The following TMEM178A variants were observed in gnomAD, a reference collection of about 807,000 sequenced individuals.
TMEM178A encodes the protein transmembrane protein 178A, also known as transmembrane protein 178.
Under a neutral mutation model 29.1 loss-of-function variants are expected in TMEM178A, and 12 were observed. That is an observed-to-expected ratio of 0.41 (90% CI 0.26 to 0.67). The LOEUF (loss-of-function observed/expected upper bound fraction) is 0.67, where lower values mean the gene tolerates loss of function less well. Among genes scored for constraint, TMEM178A ranks in the 30% least tolerant of loss-of-function variants. The pLI, the probability that TMEM178A is intolerant of heterozygous loss-of-function variation, is 0.29. For synonymous variants in TMEM178A, 210 were observed against 187.2 expected (o/e 1.12, Z -0.99); for missense variants, 366 against 419.1 (o/e 0.87, Z 1.11).
chr2:39,666,132 CG>C lies in TMEM178A; in HGVS notation c.160del (p.Asp54ThrfsTer6). ...CGCAGCCGCGCGGGCGCCGACCCCC[CG>C]GACCAGAAGAACCGCCTGATGCCGC... is the stretch of plus-strand genomic sequence containing the variant. Reference protein sequence around the residue: ...CERSRAGADPPDQKNRLMPLS... With the variant: ...CERSRAGADPXDQKNRLMPLS... On this transcript the variant is annotated frameshift_variant, in exon 1 of 4. Coordinates refer to ENST00000281961, the MANE Select transcript of TMEM178A (RefSeq NM_152390.3). LOFTEE classifies it high-confidence loss of function. 6.5e-7 allele frequency: 1 copy of C among 1,541,750 alleles called. No homozygotes were observed. Among genetic ancestry groups the C allele is most frequent in the Non-Finnish European group, 8.7e-7 (1 of 1,150,286 alleles).
the TMEM178A span, among the ~76,000 whole-genome samples, chr2:39,732,985 G>A: frequency 6.9e-3 from 1,050 of 152,300 alleles, 9 homozygotes; most frequent in African/African-American, 0.024. Flanking sequence ...TCGGTAAGAA[G>A]GGGAACCTAA....
intron 1 of TMEM178A, among the ~76,000 whole-genome samples, chr2:39,700,191 T>A (rs1462631439): frequency 6.6e-6 from 1 of 152,158 alleles, no homozygotes; most frequent in Non-Finnish European, 1.5e-5. Context: ...AGTCTTCTGT[T>A]TTTTGTTGAT....
chr2:39,713,978 T>C (rs552590702), intron 3 of TMEM178A, among the ~76,000 whole-genome samples: 2 of 152,352 alleles, frequency 1.3e-5, no homozygotes, highest in African/African-American at 4.8e-5. Context: ...ACAATGCTTC[T>C]CTCCTCTTAG....
chr2:39,677,540 A>G (rs533070976), intron 1 of TMEM178A, among the ~76,000 whole-genome samples: 1 of 152,268 alleles, frequency 6.6e-6, no homozygotes, highest in South Asian at 2.1e-4. Flanking sequence ...TCATGTCTGT[A>G]TTGGGCTTTC....
At chr2:39,707,450 GT>G (rs996017545) in intron 3 of TMEM178A, among the ~76,000 whole-genome samples, 14 of 152,064 alleles carry the variant, frequency 9.2e-5, no homozygotes, top group Middle Eastern at 3.4e-3. Flanking sequence ...AGCCCAGTCT[GT>G]TTTTTTGCTG....
chr2:39,723,013 A>T, the TMEM178A span, among the ~76,000 whole-genome samples: 5 of 152,212 alleles, frequency 3.3e-5, no homozygotes, highest in African/African-American at 1.2e-4. Flanking sequence ...GCAAGGGTGC[A>T]CGGAGGCTCC....
intron 3 of TMEM178A, among the ~76,000 whole-genome samples, chr2:39,710,428 G>A (rs1443805285): frequency 6.6e-6 from 1 of 152,120 alleles, no homozygotes; most frequent in Non-Finnish European, 1.5e-5. Flanking sequence ...ATCTTGCCAT[G>A]TATTTGCTTC....
chr2:39,671,362 A>G (rs1670401255), intron 1 of TMEM178A, among the ~76,000 whole-genome samples: 1 of 152,236 alleles, frequency 6.6e-6, no homozygotes, highest in Admixed American at 6.5e-5. Flanking sequence ...AGACCAAAGT[A>G]TAATTTGTGT....
At chr2:39,682,190 A>G (rs568080064) in intron 1 of TMEM178A, among the ~76,000 whole-genome samples, 2 of 152,308 alleles carry the variant, frequency 1.3e-5, no homozygotes, top group South Asian at 4.1e-4. Flanking sequence ...GTATTTATCA[A>G]ACTGGATGAA....
chr2:39,729,236 A>T, the TMEM178A span, among the ~76,000 whole-genome samples: 1 of 152,190 alleles, frequency 6.6e-6, no homozygotes, highest in Non-Finnish European at 1.5e-5. Context: ...AGCTTGCACC[A>T]TGGATATTGA....
At chr2:39,712,085 T>C (rs890103318) in intron 3 of TMEM178A, among the ~76,000 whole-genome samples, 2 of 73,118 alleles carry the variant, frequency 2.7e-5, no homozygotes, top group Non-Finnish European at 6.1e-5. Context: ...GTGTAAGAGT[T>C]TCTTTCTCTC....
intron 1 of TMEM178A, among the ~76,000 whole-genome samples, chr2:39,667,730 G>C (rs968073223): frequency 1.3e-5 from 2 of 152,186 alleles, no homozygotes; most frequent in Admixed American, 6.5e-5. Context: ...ATCTGTCTGC[G>C]TGTGGAAGGA....
intron 1 of TMEM178A, among the ~76,000 whole-genome samples, chr2:39,674,054 G>T (rs562985882): frequency 7.9e-5 from 12 of 152,096 alleles, no homozygotes; most frequent in African/African-American, 1.2e-4. Flanking sequence ...AAAGCTGCTT[G>T]TAGGAAAACT....
chr2:39,670,456 TA>T (rs1670366069), intron 1 of TMEM178A, among the ~76,000 whole-genome samples: 1 of 152,220 alleles, frequency 6.6e-6, no homozygotes, highest in South Asian at 2.1e-4. Context: ...GATTATATTA[TA>T]ACTACTCTTA....
At chr2:39,700,085 A>G (rs540610473) in intron 1 of TMEM178A, among the ~76,000 whole-genome samples, 19 of 152,306 alleles carry the variant, frequency 1.2e-4, no homozygotes, top group Admixed American at 7.8e-4. Flanking sequence ...CCTAGAGAAT[A>G]TACTATGTGC....
rs576306909 is a variant in TMEM178A, at chr2:39,667,922, A to G, written c.400+1548A>G. On this transcript the variant is annotated intron_variant, in intron 1 of 3. Coordinates refer to ENST00000281961, the MANE Select transcript of TMEM178A (RefSeq NM_152390.3). ...GCTGAATGTGGAGGCTCAGTTATGG[A>G]GTGCTCATTTAGGCAAGGCAATTTT... Among the ~76,000 whole-genome samples, 64 of 152,368 alleles carry G rather than the reference A, an allele frequency of 4.2e-4. No individual in the cohort carries two copies. The South Asian group carries it at 0.013, about 31-fold the overall frequency.
the TMEM178A span, among the ~76,000 whole-genome samples, chr2:39,727,499 T>C: frequency 6.6e-6 from 1 of 152,228 alleles, no homozygotes; most frequent in African/African-American, 2.4e-5. Context: ...AACCGACACA[T>C]TTACTTAATA....
chr2:39,672,534 T>A (rs1670448518), intron 1 of TMEM178A, among the ~76,000 whole-genome samples: 2 of 152,268 alleles, frequency 1.3e-5, no homozygotes, highest in Non-Finnish European at 1.5e-5. Context: ...TTTTTTCATT[T>A]TTTTTGAGAC....
intron 1 of TMEM178A, among the ~76,000 whole-genome samples, chr2:39,703,791 T>A (rs1671900616): frequency 6.6e-6 from 1 of 152,228 alleles, no homozygotes; most frequent in Non-Finnish European, 1.5e-5. Context: ...TTCCCAACCA[T>A]CTGTGTACTT....
Sources: allele counts gnomAD v4.1 joint callset (sites outside exome capture counted in the v4.1 genomes callset), GRCh38; gene constraint gnomAD v4.1.1; transcripts MANE v1.5; gene names NCBI Gene and HGNC (gene_info 2026-07-23, HGNC 2026-07-21).